The following CSMD3 variants were observed in gnomAD, a reference collection of about 807,000 sequenced individuals.
CSMD3 encodes CUB and sushi domain-containing protein 3.
In CSMD3, 177 loss-of-function variants were observed where a neutral mutation model predicts 435.2. That is an observed-to-expected ratio of 0.41 (90% CI 0.36 to 0.46). The LOEUF (loss-of-function observed/expected upper bound fraction) is 0.46. CSMD3 is among the 20% of genes least tolerant of loss of function. The pLI, the probability that CSMD3 is intolerant of heterozygous loss-of-function variation, is 0.34. For synonymous variants in CSMD3, 1,656 were observed against 1,520.5 expected, an observed-to-expected ratio of 1.09 and a Z score of -2.07; for missense variants, 4,265 against 4,504.6, an observed-to-expected ratio of 0.95 and a Z score of 1.52.
chr8:112,853,137 G>T (rs2080542040), intron 11 of CSMD3, among the ~76,000 whole-genome samples: 1 of 152,164 alleles, frequency 6.6e-6, no homozygotes, highest in South Asian at 2.1e-4. Context: ...AACATTAGAA[G>T]AAGTATACAG....
chr8:112,456,208 T>C (rs1295009091), intron 32 of CSMD3, among the ~76,000 whole-genome samples: 1 of 152,144 alleles, frequency 6.6e-6, no homozygotes, highest in Non-Finnish European at 1.5e-5. Flanking sequence ...ATATGCTTTA[T>C]AAGTAGGTAA....
intron 13 of CSMD3, among the ~76,000 whole-genome samples, chr8:112,701,043 C>A (rs2076377861): frequency 6.6e-6 from 1 of 152,150 alleles, no homozygotes; most frequent in Non-Finnish European, 1.5e-5. Flanking sequence ...TCTCCAATTT[C>A]TCTGTTTATA....
chr8:113,091,018 A>G (rs1327321134), intron 5 of CSMD3, among the ~76,000 whole-genome samples: 1 of 152,148 alleles, frequency 6.6e-6, no homozygotes, highest in Non-Finnish European at 1.5e-5. Flanking sequence ...CACTGCACTT[A>G]TAAACTTAAA....
At position 112,328,927 on chromosome 8, in the gene CSMD3, T is replaced by C. The variant is rs138430089; in HGVS notation, c.7165+6402A>G. On this transcript the variant is annotated intron_variant, in intron 45 of 70. Coordinates refer to ENST00000297405, the MANE Select transcript of CSMD3 (RefSeq NM_198123.2). ...AAATTACCAAGTCTTGGGCAGTTCT[T>C]TATAGCAGTGTGAGAATGGACTAAT... 7.9e-5 allele frequency among the ~76,000 whole-genome samples: 12 copies of C among 152,320 alleles called. No individual in the cohort carries two copies. The East Asian group carries it at 2.3e-3, about 29-fold the overall frequency.
intron 38 of CSMD3, among the ~76,000 whole-genome samples, chr8:112,369,950 GGGA>G (rs200316453): frequency 1.1e-5 from 1 of 89,156 alleles, no homozygotes; most frequent in Non-Finnish European, 2.7e-5. Context: ...GAAGAAGAGG[GGGA>G]GGAGGAGGAG....
intron 59 of CSMD3, among the ~76,000 whole-genome samples, chr8:112,267,935 A>C (rs1230945236): frequency 6.9e-6 from 1 of 144,846 alleles, no homozygotes; most frequent in African/African-American, 2.5e-5. Context: ...AGAGACAACC[A>C]AAAAAAAAAA....
At chr8:112,741,961 A>G (rs1018541705) in intron 13 of CSMD3, among the ~76,000 whole-genome samples, 2 of 151,964 alleles carry the variant, frequency 1.3e-5, no homozygotes, top group Non-Finnish European at 2.9e-5. Context: ...AAGCAAAGAA[A>G]GAGCAATAGA....
chr8:112,422,849 T>G, intron 32 of CSMD3, among the ~76,000 whole-genome samples: 1 of 152,154 alleles, frequency 6.6e-6, no homozygotes, highest in East Asian at 1.9e-4. Flanking sequence ...ACAAGTAACC[T>G]TAATAGAAAC....
At chr8:112,950,237 C>T (rs1164362166) in intron 8 of CSMD3, among the ~76,000 whole-genome samples, 1 of 151,754 alleles carries the variant, frequency 6.6e-6, no homozygotes, top group Non-Finnish European at 1.5e-5. Flanking sequence ...TATTTGTTAT[C>T]AAAGAACTGA....
At chr8:112,408,474 A>C in intron 33 of CSMD3, 61 bp from the exon 34 acceptor site, 2 of 994,100 alleles carry the variant, frequency 2.0e-6, no homozygotes, top group Non-Finnish European at 1.6e-6. Flanking sequence ...AACCTAACAA[A>C]TTATATTATA....
chr8:112,492,351 G>A (rs1353687223), intron 31 of CSMD3, 138 bp downstream of exon 31: 1 of 721,120 alleles, frequency 1.4e-6, no homozygotes, highest in Admixed American at 2.3e-5. Flanking sequence ...TAAAATGTTT[G>A]ATAAAATCTC....
intron 5 of CSMD3, among the ~76,000 whole-genome samples, chr8:113,023,780 T>G (rs1166381624): frequency 6.6e-6 from 1 of 152,104 alleles, no homozygotes; most frequent in Non-Finnish European, 1.5e-5. Flanking sequence ...ATATCTTAAT[T>G]TTTTATGTTT....
intron 5 of CSMD3, among the ~76,000 whole-genome samples, chr8:113,074,088 A>G (rs1287003080): frequency 6.6e-6 from 1 of 151,806 alleles, no homozygotes. Context: ...CAAGCACTAG[A>G]TGACTCTTTA....
chr8:113,163,165 A>T (rs1183101672), intron 4 of CSMD3, among the ~76,000 whole-genome samples: 2 of 152,190 alleles, frequency 1.3e-5, no homozygotes, highest in Non-Finnish European at 2.9e-5. Context: ...TATCTTATTA[A>T]CATTTCAGCC....
intron 2 of CSMD3, among the ~76,000 whole-genome samples, chr8:113,298,877 C>T (rs1294827674): frequency 1.3e-5 from 2 of 152,246 alleles, no homozygotes; most frequent in East Asian, 1.9e-4. Context: ...GCGATCTGCA[C>T]ACAATGCCTA....
At chr8:112,834,490 G>A (rs2079967131) in intron 11 of CSMD3, among the ~76,000 whole-genome samples, 1 of 151,490 alleles carries the variant, frequency 6.6e-6, no homozygotes, top group Non-Finnish European at 1.5e-5. Flanking sequence ...ATTGAGATAT[G>A]GTTAAAAGAA....
chr8:113,201,433 G>A (rs2092714933), intron 3 of CSMD3, among the ~76,000 whole-genome samples: 2 of 151,904 alleles, frequency 1.3e-5, no homozygotes, highest in Non-Finnish European at 2.9e-5. Context: ...CTCCTTATGT[G>A]AGTCAGAATG....
chr8:112,943,815 C>T (rs1189852439), intron 9 of CSMD3, among the ~76,000 whole-genome samples: 2 of 151,588 alleles, frequency 1.3e-5, no homozygotes, highest in African/African-American at 4.8e-5. Context: ...TGACCTGAAA[C>T]TGATCCACTC....
At chr8:112,503,667 C>A in intron 30 of CSMD3, 123 bp downstream of exon 30, 1 of 670,626 alleles carries the variant, frequency 1.5e-6, no homozygotes, top group Non-Finnish European at 2.5e-6. Context: ...ATGAACTGTA[C>A]ATAATCTGCA....
Sources: allele counts gnomAD v4.1 joint callset (sites outside exome capture counted in the v4.1 genomes callset), GRCh38; gene constraint gnomAD v4.1.1; transcripts MANE v1.5; gene names NCBI Gene and HGNC (gene_info 2026-07-23, HGNC 2026-07-21).